Variants in TES observed in about 807,000 individuals in gnomAD.
TES encodes the protein testin.
In TES, 41 loss-of-function variants were observed where a neutral mutation model predicts 48.2. That is an observed-to-expected ratio of 0.85 (90% CI 0.66 to 1.10). The LOEUF is 1.10. Among genes scored for constraint, TES ranks in the 50% least tolerant of loss-of-function variants. TES has a pLI of 0.00. For synonymous variants in TES, 162 were observed against 174.9 expected (o/e 0.93, Z 0.58); for missense variants, 463 against 515.1 (o/e 0.90, Z 0.98).
intron 1 of TES, among the ~76,000 whole-genome samples, chr7:116,228,097 C>G (rs1299313223): frequency 6.8e-6 from 1 of 146,664 alleles, no homozygotes; most frequent in African/African-American, 2.5e-5. Context: ...CCAACCTATT[C>G]GACTGCTGAA....
chr7:116,234,661 T>A, intron 2 of TES, 42 bp downstream of exon 2: 1 of 1,519,230 alleles, frequency 6.6e-7, no homozygotes. Flanking sequence ...AATTTATACT[T>A]TTTGCAATAC....
intron 3 of TES, chr7:116,249,614 T>C (rs1024052830): frequency 4.6e-6 from 1 of 215,054 alleles, no homozygotes; most frequent in Non-Finnish European, 9.3e-6. Context: ...ATTTTTGTCA[T>C]AGTTTAGAAC....
At chr7:116,248,562 A>G (rs1799959175) in intron 2 of TES, among the ~76,000 whole-genome samples, 1 of 151,976 alleles carries the variant, frequency 6.6e-6, no homozygotes, top group Non-Finnish European at 1.5e-5. Flanking sequence ...GTTTTCATAT[A>G]TTTTTTGGCC....
chr7:116,223,549 G>GT (rs1799582965), intron 1 of TES, among the ~76,000 whole-genome samples: 1 of 152,128 alleles, frequency 6.6e-6, no homozygotes, highest in Non-Finnish European at 1.5e-5. Context: ...AAGTGTGTGT[G>GT]TATGTGTGTG....
intron 1 of TES, among the ~76,000 whole-genome samples, chr7:116,216,137 A>G (rs1225806771): frequency 1.3e-5 from 2 of 152,134 alleles, no homozygotes; most frequent in Non-Finnish European, 2.9e-5. Context: ...AAAGAGAGTG[A>G]TAAATTGGTA....
At chr7:116,230,894 T>C (rs1047395689) in intron 1 of TES, among the ~76,000 whole-genome samples, 2 of 152,238 alleles carry the variant, frequency 1.3e-5, no homozygotes, top group African/African-American at 2.4e-5. Flanking sequence ...TTGTAATTCA[T>C]GCACCTCTCC....
intron 1 of TES, among the ~76,000 whole-genome samples, chr7:116,228,779 T>G (rs531686696): frequency 1.2e-3 from 179 of 152,126 alleles, no homozygotes; most frequent in African/African-American, 4.1e-3. Flanking sequence ...TAAGACACAG[T>G]TAATCTGACA....
intron 6 of TES, among the ~76,000 whole-genome samples, chr7:116,253,532 A>G (rs975770544): frequency 6.6e-6 from 1 of 152,134 alleles, no homozygotes; most frequent in Non-Finnish European, 1.5e-5. Flanking sequence ...TTATCTTCCT[A>G]AAATGCAAAT....
rs892140745 is a variant in TES at position 116,240,476 on chromosome 7, T to TCC, written c.113+5861_113+5862dup. Among the ~76,000 whole-genome samples the TCC allele has an allele frequency of 5.3e-5, 8 of 151,894 alleles. 1 individual carries two copies. Among genetic ancestry groups the TCC allele is most frequent in the African/African-American group, 1.9e-4 (8 of 41,358 alleles). Reference sequence around the variant, plus strand: ...CTTTCTCTCTCTCTCACTCCTTCCCTCCCCCTCGCTCCTCCCTTTCCTCCA... The same window carrying TCC: ...CTTTCTCTCTCTCTCACTCCTTCCCTCCCCCCCTCGCTCCTCCCTTTCCTCCA... On this transcript the variant is annotated intron_variant, in intron 2 of 6. Coordinates refer to ENST00000358204, the MANE Select transcript of TES (RefSeq NM_015641.4).
intron 2 of TES, among the ~76,000 whole-genome samples, chr7:116,246,659 T>G (rs1359183954): frequency 2.0e-5 from 3 of 152,190 alleles, no homozygotes; most frequent in African/African-American, 7.2e-5. Flanking sequence ...GGTATTCCTC[T>G]TTATACCCAA....
chr7:116,237,479 CT>C lies in TES; in HGVS notation c.113+2862del, dbSNP rs773042951. ...CTGCTTGCTTTTCCAGCCTCTTCCACTTCCCTTCCAAGCACTCTATGATCCA... is the reference window on the plus strand; with the variant it reads ...CTGCTTGCTTTTCCAGCCTCTTCCACTCCCTTCCAAGCACTCTATGATCCA... On this transcript the variant is annotated intron_variant, in intron 2 of 6. Coordinates refer to ENST00000358204, the MANE Select transcript of TES (RefSeq NM_015641.4). Among the ~76,000 whole-genome samples, 11 of 152,248 alleles carry C rather than the reference CT, an allele frequency of 7.2e-5. No homozygotes were observed. The East Asian group carries it at 2.1e-3, about 29-fold the overall frequency.
chr7:116,242,681 AGTT>A (rs1005107068), intron 2 of TES, among the ~76,000 whole-genome samples: 2 of 152,202 alleles, frequency 1.3e-5, no homozygotes, highest in Non-Finnish European at 2.9e-5. Context: ...TTGGGTTTTT[AGTT>A]GTTTTTTCTG....
chr7:116,236,698 A>AAGTT (rs1400358681), intron 2 of TES, among the ~76,000 whole-genome samples: 1 of 152,226 alleles, frequency 6.6e-6, no homozygotes, highest in Non-Finnish European at 1.5e-5. Context: ...TCTCTAAAGC[A>AAGTT]AGTTAGTCAT....
chr7:116,242,674 G>C (rs1002801498), intron 2 of TES, among the ~76,000 whole-genome samples: 33 of 151,798 alleles, frequency 2.2e-4, no homozygotes, highest in African/African-American at 7.7e-4. Context: ...GATACATTTG[G>C]GTTTTTAGTT....
At position 116,238,494 on chromosome 7, in the gene TES, C is replaced by A. The variant is rs191121599; in HGVS notation, c.113+3875C>A. Reference sequence around the variant, plus strand: ...TGAATGATTTCTATGTGTCACACACCAGTAAGCACTTGTAATAATTTTCTA... The same window carrying A: ...TGAATGATTTCTATGTGTCACACACAAGTAAGCACTTGTAATAATTTTCTA... On this transcript the variant is annotated intron_variant, in intron 2 of 6. Transcript: ENST00000358204. Among the ~76,000 whole-genome samples, 7 of 149,538 alleles carry A rather than the reference C, an allele frequency of 4.7e-5. 1 individual carries two copies. The highest frequency in any genetic ancestry group is 4.0e-4 in the Admixed American group (6 of 15,186).
intron 2 of TES, 24 bp from the exon 3 acceptor site, chr7:116,248,996 T>G (rs528578643): frequency 6.5e-7 from 1 of 1,546,430 alleles, no homozygotes; most frequent in South Asian, 1.3e-5. Flanking sequence ...ATTAATCATT[T>G]TCTACTTATT....
intron 1 of TES, among the ~76,000 whole-genome samples, chr7:116,213,405 C>T (rs1457758611): frequency 6.6e-6 from 1 of 152,204 alleles, no homozygotes; most frequent in Non-Finnish European, 1.5e-5. Flanking sequence ...AAAACTTTTA[C>T]ATTGTTGATT....
intron 1 of TES, among the ~76,000 whole-genome samples, chr7:116,217,027 A>G (rs866945195): frequency 1.1e-4 from 17 of 152,160 alleles, no homozygotes; most frequent in African/African-American, 3.9e-4. Context: ...TGTGAACAAG[A>G]ATGACACTGA....
chr7:116,228,885 A>G (rs55749353), intron 1 of TES, among the ~76,000 whole-genome samples: 18,154 of 151,210 alleles, frequency 0.12, 1,101 homozygotes, highest in South Asian at 0.19. Flanking sequence ...ATCACTTTCA[A>G]AATCCCTGAA....
Sources: allele counts gnomAD v4.1 joint callset (sites outside exome capture counted in the v4.1 genomes callset), GRCh38; gene constraint gnomAD v4.1.1; transcripts MANE v1.5; gene names NCBI Gene and HGNC (gene_info 2026-07-23, HGNC 2026-07-21).